Variants in CTNNA2 observed in about 807,000 individuals in gnomAD.
CTNNA2 encodes catenin alpha-2.
Under a neutral mutation model 101.0 loss-of-function variants are expected in CTNNA2, and 42 were observed. The ratio of observed to expected loss-of-function variants is 0.42; its 90% CI spans 0.32 to 0.54. CTNNA2 has a LOEUF of 0.54. CTNNA2 is among the 20% of genes least tolerant of loss of function. The pLI, the probability that CTNNA2 is intolerant of heterozygous loss-of-function variation, is 0.14. For missense variants in CTNNA2, 871 were observed against 1,223.1 expected (o/e 0.71, Z 4.29); for synonymous variants, 450 against 456.4 (o/e 0.99, Z 0.18).
At chr2:80,141,439 G>A (rs1196466016) in intron 7 of CTNNA2, among the ~76,000 whole-genome samples, 1 of 151,922 alleles carries the variant, frequency 6.6e-6, no homozygotes, top group Non-Finnish European at 1.5e-5. Context: ...GAAAACTTGG[G>A]GCATATTGTG....
At chr2:79,743,118 A>G (rs1671405649) in intron 2 of CTNNA2, among the ~76,000 whole-genome samples, 1 of 152,168 alleles carries the variant, frequency 6.6e-6, no homozygotes, top group Admixed American at 6.6e-5. Flanking sequence ...TTAGTCTGCT[A>G]ACCAGGATAA....
chr2:79,685,711 C>T (rs1683885380), intron 2 of CTNNA2, among the ~76,000 whole-genome samples: 1 of 152,130 alleles, frequency 6.6e-6, no homozygotes, highest in East Asian at 1.9e-4. Context: ...ATTGGTGAAA[C>T]TGAGGGTACC....
Position 80,305,394 on chromosome 2 carries a change from G to C in CTNNA2, c.1057-87817G>C, listed in dbSNP as rs924903878. ...TCATCAGGCTCCACAGATACATATGGGGTACAGAGTGGATTAAAGAACGAT... is the reference window on the plus strand; with the variant it reads ...TCATCAGGCTCCACAGATACATATGCGGTACAGAGTGGATTAAAGAACGAT... On this transcript the variant is annotated intron_variant, in intron 7 of 18. Transcript: ENST00000402739. 9.2e-6 allele frequency: 9 copies of C among 983,224 alleles called. No homozygotes were observed. In the African/African-American group the frequency reaches 1.6e-4, roughly 17 times the overall value. The allele number at this position is 983,224 out of a possible 1,614,324, so 60.9% of individuals were successfully genotyped here.
chr2:80,563,668 C>A (rs2862291), intron 12 of CTNNA2, among the ~76,000 whole-genome samples: 41,553 of 152,052 alleles, frequency 0.27, 6,904 homozygotes, highest in Admixed American at 0.37. Context: ...TGAGCCCATC[C>A]CACTTGGCTC....
At position 80,273,309 on chromosome 2, in the gene CTNNA2, A is replaced by G. The variant is rs530787069; in HGVS notation, c.1057-119902A>G. On this transcript the variant is annotated intron_variant, in intron 7 of 18. Coordinates refer to ENST00000402739, the MANE Select transcript of CTNNA2 (RefSeq NM_001282597.3). ...ATCCAATCCAACAATAAGTGTTGTC[A>G]GCTTTACCTTCAAAATATAAGCTGA... 2.6e-5 allele frequency among the ~76,000 whole-genome samples: 4 copies of G among 152,264 alleles called. No individual in the cohort carries two copies. In the South Asian group the frequency reaches 8.3e-4, roughly 32 times the overall value.
At chr2:79,658,024 A>G (rs1681742140) in intron 2 of CTNNA2, among the ~76,000 whole-genome samples, 1 of 151,936 alleles carries the variant, frequency 6.6e-6, no homozygotes, top group South Asian at 2.1e-4. Flanking sequence ...TATAAGATAA[A>G]TATACAAAAA....
intron 4 of CTNNA2, among the ~76,000 whole-genome samples, chr2:79,374,512 A>ATG (rs1677942189): frequency 3.6e-5 from 2 of 55,522 alleles, no homozygotes; most frequent in South Asian, 1.1e-3. Flanking sequence ...TTAGAGTAAT[A>ATG]TATATATATT....
intron 4 of CTNNA2, among the ~76,000 whole-genome samples, chr2:79,404,770 A>G (rs1046397632): frequency 3.3e-5 from 5 of 152,030 alleles, no homozygotes; most frequent in Non-Finnish European, 7.4e-5. Flanking sequence ...CTCAGTGGAA[A>G]TGTCAAGCAT....
At chr2:80,531,040 C>A (rs1035939947) in intron 9 of CTNNA2, among the ~76,000 whole-genome samples, 4 of 152,120 alleles carry the variant, frequency 2.6e-5, no homozygotes, top group Non-Finnish European at 5.9e-5. Context: ...TGAGGCAATG[C>A]AGGTAATAGG....
intron 6 of CTNNA2, among the ~76,000 whole-genome samples, chr2:79,889,626 G>A (rs1684165167): frequency 6.6e-6 from 1 of 152,148 alleles, no homozygotes; most frequent in Non-Finnish European, 1.5e-5. Context: ...CCAAGTTGGT[G>A]GTAGTTTTGT....
At chr2:79,411,531 A>T (rs575010360) in intron 4 of CTNNA2, among the ~76,000 whole-genome samples, 2 of 152,242 alleles carry the variant, frequency 1.3e-5, no homozygotes, top group East Asian at 3.9e-4. Context: ...AGCCCATCAG[A>T]CTAACAACAG....
intron 5 of CTNNA2, among the ~76,000 whole-genome samples, chr2:79,871,616 C>T (rs905872625): frequency 2.0e-5 from 3 of 152,162 alleles, no homozygotes; most frequent in Non-Finnish European, 4.4e-5. Context: ...CCCACCTACA[C>T]TGAGGGTGAA....
chr2:79,982,183 CA>C (rs1238272296), intron 7 of CTNNA2, among the ~76,000 whole-genome samples: 2 of 113,458 alleles, frequency 1.8e-5, no homozygotes, highest in African/African-American at 7.1e-5. Flanking sequence ...AGACCACAGG[CA>C]TGTGCCACTA....
upstream of CTNNA2, among the ~76,000 whole-genome samples, chr2:79,511,678 C>G (rs1671546158): frequency 6.6e-6 from 1 of 152,082 alleles, no homozygotes; most frequent in Non-Finnish European, 1.5e-5. Context: ...AAGATAGAGG[C>G]ATGGACAGAG....
At chr2:80,550,367 C>T (rs994251443) in intron 11 of CTNNA2, among the ~76,000 whole-genome samples, 6 of 152,214 alleles carry the variant, frequency 3.9e-5, no homozygotes, top group Admixed American at 6.5e-5. Context: ...TGTGTGGTTC[C>T]TGAAGGATGG....
chr2:79,637,687 A>C (rs1459708536), intron 1 of CTNNA2, among the ~76,000 whole-genome samples: 3 of 152,214 alleles, frequency 2.0e-5, no homozygotes. Context: ...TTTATTATCC[A>C]CATATTTCTG....
intron 3 of CTNNA2, among the ~76,000 whole-genome samples, chr2:79,314,467 T>C (rs887695173): frequency 6.6e-6 from 1 of 151,924 alleles, no homozygotes; most frequent in African/African-American, 2.4e-5. Context: ...TAAACAGCAA[T>C]AAAAAAAATT....
intron 1 of CTNNA2, among the ~76,000 whole-genome samples, chr2:79,616,346 A>G (rs892559118): frequency 1.3e-5 from 2 of 152,200 alleles, no homozygotes; most frequent in African/African-American, 4.8e-5. Context: ...AGGAAGGTCT[A>G]TAGAGACTAA....
intron 9 of CTNNA2, among the ~76,000 whole-genome samples, chr2:80,480,740 A>G (rs1466632336): frequency 6.6e-6 from 1 of 152,138 alleles, no homozygotes; most frequent in Non-Finnish European, 1.5e-5. Flanking sequence ...TACGCTAATT[A>G]TCACATGACA....
Sources: allele counts gnomAD v4.1 joint callset (sites outside exome capture counted in the v4.1 genomes callset), GRCh38; gene constraint gnomAD v4.1.1; transcripts MANE v1.5; gene names NCBI Gene and HGNC (gene_info 2026-07-23, HGNC 2026-07-21).